The following CDC73 variants were observed in gnomAD, a reference collection of about 807,000 sequenced individuals.
CDC73 encodes the protein cell division cycle 73.
Under a neutral mutation model 83.7 loss-of-function variants are expected in CDC73, and 21 were observed. That is an observed-to-expected ratio of 0.25 (90% CI 0.18 to 0.36). The LOEUF is 0.36. CDC73 is among the 10% of genes least tolerant of loss of function. The pLI, the probability that CDC73 is intolerant of heterozygous loss-of-function variation, is 1.00. For synonymous variants in CDC73, 224 were observed against 212.9 expected (o/e 1.05, Z -0.45); for missense variants, 342 against 653.3 (o/e 0.52, Z 5.19).
At chr1:193,128,994 T>C (rs1168476697) in intron 2 of CDC73, among the ~76,000 whole-genome samples, 2 of 125,222 alleles carry the variant, frequency 1.6e-5, no homozygotes, top group South Asian at 4.9e-4. Flanking sequence ...GCCCGGCTAA[T>C]TTTTTTTTTT....
At chr1:193,239,213 A>C (rs184107620) in intron 15 of CDC73, among the ~76,000 whole-genome samples, 2 of 152,092 alleles carry the variant, frequency 1.3e-5, no homozygotes, top group African/African-American at 4.8e-5. Flanking sequence ...TTATTCCTCA[A>C]ACTATTTCTT....
At chr1:193,138,989 T>A (rs1675853005) in intron 6 of CDC73, among the ~76,000 whole-genome samples, 1 of 151,990 alleles carries the variant, frequency 6.6e-6, no homozygotes, top group Non-Finnish European at 1.5e-5. Flanking sequence ...TTGGCCAGGC[T>A]GGTCTCAAAC....
chr1:193,154,576 T>C (rs1676176254), intron 10 of CDC73, among the ~76,000 whole-genome samples: 1 of 152,210 alleles, frequency 6.6e-6, no homozygotes, highest in Admixed American at 6.5e-5. Context: ...AAAAAGGCAT[T>C]GTGTAGGAAT....
At chr1:193,237,770 A>C (rs2102063345) in intron 15 of CDC73, among the ~76,000 whole-genome samples, 1 of 152,252 alleles carries the variant, frequency 6.6e-6, no homozygotes, top group South Asian at 2.1e-4. Context: ...GACGTCTGTG[A>C]GTGGCCCAGT....
intron 7 of CDC73, among the ~76,000 whole-genome samples, chr1:193,146,052 G>C (rs1236204684): frequency 2.0e-5 from 3 of 152,152 alleles, no homozygotes; most frequent in Non-Finnish European, 2.9e-5. Context: ...GGAGGTGAGA[G>C]GGGTAAGGTG....
chr1:193,207,461 C>A (rs138751019), intron 11 of CDC73, among the ~76,000 whole-genome samples: 1 of 152,080 alleles, frequency 6.6e-6, no homozygotes, highest in African/African-American at 2.4e-5. Flanking sequence ...GAGTCCAGGG[C>A]GTATTTCAGT....
At chr1:193,128,806 C>T (rs1675634380) in intron 2 of CDC73, among the ~76,000 whole-genome samples, 1 of 152,148 alleles carries the variant, frequency 6.6e-6, no homozygotes, top group African/African-American at 2.4e-5. Flanking sequence ...AATATAAGGT[C>T]ATTGGCCAAA....
intron 14 of CDC73, 137 bp from the exon 15 acceptor site, chr1:193,236,119 C>T (rs1027569848): frequency 8.0e-6 from 6 of 754,528 alleles, no homozygotes; most frequent in Non-Finnish European, 1.5e-5. Flanking sequence ...GTATTTGCTT[C>T]ATGGAAGGAT....
chr1:193,222,318 G>C (rs1481237240), intron 13 of CDC73, among the ~76,000 whole-genome samples: 1 of 152,108 alleles, frequency 6.6e-6, no homozygotes, highest in Non-Finnish European at 1.5e-5. Flanking sequence ...ATACTATTCA[G>C]CACATGTATG....
chr1:193,167,812 T>G (rs990552761), intron 10 of CDC73, among the ~76,000 whole-genome samples: 1 of 152,140 alleles, frequency 6.6e-6, no homozygotes, highest in Non-Finnish European at 1.5e-5. Context: ...AAACAGTGCT[T>G]TGCCATCTGA....
At chr1:193,135,789 T>C (rs1199905650) in intron 5 of CDC73, among the ~76,000 whole-genome samples, 200 bp downstream of exon 5, 2 of 151,918 alleles carry the variant, frequency 1.3e-5, no homozygotes, top group Non-Finnish European at 2.9e-5. Flanking sequence ...GAGGGACAAA[T>C]CATTTTATTT....
At chr1:193,213,338 C>A (rs868350415) in intron 13 of CDC73, among the ~76,000 whole-genome samples, 2 of 149,298 alleles carry the variant, frequency 1.3e-5, no homozygotes, top group Non-Finnish European at 3.0e-5. Context: ...GTTTTTTAGA[C>A]ACAGTGTTGC....
In CDC73 at chr1:193,146,232, A is replaced by G. The variant is rs190165573; in HGVS notation, c.730-1635A>G. 1.2e-3 allele frequency among the ~76,000 whole-genome samples: 176 copies of G among 152,294 alleles called. 1 individual carries two copies. The highest frequency in any genetic ancestry group is 2.1e-3 in the Non-Finnish European group (146 of 68,012). On this transcript the variant is annotated intron_variant, in intron 7 of 16. Transcript: ENST00000367435. ...AGATTCTTACTACATATTCCTTCAA[A>G]TGTTAAGTGATTGATAGGCAGCATA...
At chr1:193,129,765 A>G (rs2103117440) in intron 2 of CDC73, among the ~76,000 whole-genome samples, 1 of 151,716 alleles carries the variant, frequency 6.6e-6, no homozygotes, top group South Asian at 2.1e-4. Flanking sequence ...CACCCACCTC[A>G]GCCTCCCAAA....
intron 10 of CDC73, among the ~76,000 whole-genome samples, chr1:193,157,027 A>G (rs946628183): frequency 6.6e-6 from 1 of 152,084 alleles, no homozygotes; most frequent in Non-Finnish European, 1.5e-5. Context: ...AAATTGGGGG[A>G]TTTGTTGCAG....
intron 13 of CDC73, among the ~76,000 whole-genome samples, chr1:193,213,200 C>T (rs781683172): frequency 3.9e-5 from 6 of 152,110 alleles, no homozygotes; most frequent in Non-Finnish European, 8.8e-5. Flanking sequence ...TATACTACTT[C>T]TTGGATTGGC....
chr1:193,214,594 C>T (rs1048686564), intron 13 of CDC73, among the ~76,000 whole-genome samples: 1 of 152,264 alleles, frequency 6.6e-6, no homozygotes, highest in East Asian at 1.9e-4. Context: ...TGGCAGGTGC[C>T]TGTAGTCCCA....
In CDC73 at chr1:193,233,141, A is replaced by C; in HGVS notation, c.1303A>C (p.Met435Leu). 6.2e-7 allele frequency: 1 copy of C among 1,612,284 alleles called. No individual in the cohort carries two copies. Among genetic ancestry groups the C allele is most frequent in the South Asian group, 1.1e-5 (1 of 91,040 alleles). The change falls in exon 14 of 17, where the codon ATG (methionine) becomes CTG (leucine). Residue 435 changes from methionine (M) to leucine (L), a missense_variant. This residue lies in a region of CDC73 where 239 missense variants were observed against 420.6 expected (regional missense o/e 0.57). Coordinates refer to ENST00000367435, the MANE Select transcript of CDC73 (RefSeq NM_024529.5). The stretch of plus-strand genomic sequence containing the variant: ...AGTAGTAGACCAGCCCCTTAAACTT[A>C]TGCCTCAAGACTGGTAAGATAGTCT... ...YRVVDQPLKL[M>L]PQDWDRVVAV...
chr1:193,207,152 A>C (rs759148581), intron 11 of CDC73, among the ~76,000 whole-genome samples: 1 of 152,162 alleles, frequency 6.6e-6, no homozygotes, highest in Non-Finnish European at 1.5e-5. Flanking sequence ...ATGTCCCCTG[A>C]GCCACAAAGC....
Sources: gnomAD v4.1 joint callset for allele counts (sites outside exome capture counted in the v4.1 genomes callset) on GRCh38, gnomAD v4.1.1 for gene constraint, gnomAD v4.1.1 regional missense constraint, MANE v1.5 for transcripts, NCBI Gene and HGNC (gene_info 2026-07-23, HGNC 2026-07-21) for gene names.